The following UBE2E2 variants were observed in gnomAD, a reference collection of about 807,000 sequenced individuals.
UBE2E2 encodes ubiquitin conjugating enzyme E2 E2, also known as ubiquitin-conjugating enzyme E2 E2.
Under a neutral mutation model 24.7 loss-of-function variants are expected in UBE2E2, and 6 were observed. That is an observed-to-expected ratio of 0.24 (90% CI 0.13 to 0.48). The LOEUF (loss-of-function observed/expected upper bound fraction) is 0.48. Among genes scored for constraint, UBE2E2 ranks in the 20% least tolerant of loss-of-function variants. The pLI is 0.99. For synonymous variants in UBE2E2, 104 were observed against 83.6 expected, an observed-to-expected ratio of 1.24 and a Z score of -1.33; for missense variants, 169 against 245.0, an observed-to-expected ratio of 0.69 and a Z score of 2.07.
At chr3:23,561,245 T>C (rs1395628411) in intron 5 of UBE2E2, among the ~76,000 whole-genome samples, 7 of 152,222 alleles carry the variant, frequency 4.6e-5, no homozygotes, top group Non-Finnish European at 8.8e-5. Context: ...AATTAATTTT[T>C]GTATAAGGTG....
At chr3:23,488,443 T>C (rs746467733) in intron 3 of UBE2E2, among the ~76,000 whole-genome samples, 12 of 152,192 alleles carry the variant, frequency 7.9e-5, no homozygotes, top group East Asian at 1.9e-4. Flanking sequence ...CTCCCACTTA[T>C]GAGTGAGAAC....
At chr3:23,410,285 G>C (rs1265422890) in intron 3 of UBE2E2, among the ~76,000 whole-genome samples, 1 of 152,108 alleles carries the variant, frequency 6.6e-6, no homozygotes, top group Non-Finnish European at 1.5e-5. Context: ...TATTTGCTTA[G>C]TTTCTCTTCC....
Position 23,425,696 on chromosome 3 carries a change from T to C in UBE2E2, c.228-73912T>C, listed in dbSNP as rs4858512. 5.8e-3 allele frequency among the ~76,000 whole-genome samples: 881 copies of C among 152,172 alleles called. 28 individuals are homozygous for C. The highest frequency in any genetic ancestry group is 0.048 in the Admixed American group (730 of 15,260). On this transcript the variant is annotated intron_variant, in intron 3 of 5. Transcript: ENST00000396703. ...TGCTGGGGCTCAGGATATACAAGCT[T>C]GAGAGTGAAAAACTTTAGGGGTGAC...
At chr3:23,500,677 A>G (rs1408880611) in intron 4 of UBE2E2, among the ~76,000 whole-genome samples, 4 of 152,328 alleles carry the variant, frequency 2.6e-5, no homozygotes, top group Middle Eastern at 3.4e-3. Context: ...GACGTTCACC[A>G]TGACTTTCTA....
At chr3:23,497,748 T>G (rs1276558671) in intron 3 of UBE2E2, among the ~76,000 whole-genome samples, 1 of 152,194 alleles carries the variant, frequency 6.6e-6, no homozygotes, top group Non-Finnish European at 1.5e-5. Context: ...TTTTTCAAAT[T>G]GTCACAAATC....
At chr3:23,575,630 C>CA (rs765966943) in intron 5 of UBE2E2, among the ~76,000 whole-genome samples, 1 of 151,564 alleles carries the variant, frequency 6.6e-6, no homozygotes, top group African/African-American at 2.4e-5. Flanking sequence ...GGAAAAAAAA[C>CA]AAAAAAGCTG....
rs1035879527 is a variant in UBE2E2 at position 23,310,981 on chromosome 3, A to G, written c.227+93669A>G. Among the ~76,000 whole-genome samples, 3 of 152,100 alleles carry G rather than the reference A, an allele frequency of 2.0e-5. No homozygotes were observed. In the East Asian group the frequency reaches 5.8e-4, roughly 29 times the overall value. On this transcript the variant is annotated intron_variant, in intron 3 of 5. Coordinates refer to ENST00000396703, the MANE Select transcript of UBE2E2 (RefSeq NM_152653.4). ...CATTAACTTGTCATTTACATTAGGT[A>G]TATCTCCTAGTGCTATCCCTCCCTC... is the stretch of plus-strand genomic sequence containing the variant.
At chr3:23,401,848 CTTTTTTT>C (rs35903137) in intron 3 of UBE2E2, among the ~76,000 whole-genome samples, 3 of 67,704 alleles carry the variant, frequency 4.4e-5, no homozygotes, top group Non-Finnish European at 7.6e-5. Flanking sequence ...TGCCTGGCTA[CTTTTTTT>C]TTTTTTTTTT....
At chr3:23,555,727 A>G (rs988993500) in intron 5 of UBE2E2, among the ~76,000 whole-genome samples, 1 of 152,210 alleles carries the variant, frequency 6.6e-6, no homozygotes. Flanking sequence ...AGATCCTGCC[A>G]TTTACTGAAA....
intron 3 of UBE2E2, among the ~76,000 whole-genome samples, chr3:23,421,430 G>C (rs1697794344): frequency 6.6e-6 from 1 of 152,182 alleles, no homozygotes; most frequent in African/African-American, 2.4e-5. Context: ...CCATAAAAAA[G>C]AATGAAATCA....
At chr3:23,416,817 A>G (rs1421823277) in intron 3 of UBE2E2, among the ~76,000 whole-genome samples, 1 of 152,100 alleles carries the variant, frequency 6.6e-6, no homozygotes, top group Admixed American at 6.5e-5. Context: ...AGTCTCTGAT[A>G]TCTTTTCTTC....
intron 3 of UBE2E2, among the ~76,000 whole-genome samples, chr3:23,384,656 C>T (rs1399021576): frequency 6.6e-6 from 1 of 152,198 alleles, no homozygotes; most frequent in African/African-American, 2.4e-5. Flanking sequence ...AATTCTCTTG[C>T]TTCAGCCTCC....
At chr3:23,550,146 T>C (rs1032266715) in intron 5 of UBE2E2, among the ~76,000 whole-genome samples, 2 of 152,144 alleles carry the variant, frequency 1.3e-5, no homozygotes, top group African/African-American at 4.8e-5. Context: ...ATAAAAAAAC[T>C]AGTAGGAAGA....
At chr3:23,351,353 A>G (rs1251952275) in intron 3 of UBE2E2, among the ~76,000 whole-genome samples, 2 of 152,228 alleles carry the variant, frequency 1.3e-5, no homozygotes, top group Non-Finnish European at 2.9e-5. Context: ...ACCAGCTAAC[A>G]TCATAATGAC....
chr3:23,480,368 G>C (rs997762283), intron 3 of UBE2E2, among the ~76,000 whole-genome samples: 1 of 152,226 alleles, frequency 6.6e-6, no homozygotes, highest in Non-Finnish European at 1.5e-5. Flanking sequence ...AGCCTATGGG[G>C]GCAGGGAGCT....
At chr3:23,582,512 A>G (rs982977349) in intron 5 of UBE2E2, among the ~76,000 whole-genome samples, 1 of 151,978 alleles carries the variant, frequency 6.6e-6, no homozygotes, top group Non-Finnish European at 1.5e-5. Flanking sequence ...AACGCTTTAC[A>G]CTCCCACCAG....
chr3:23,458,695 G>A (rs886548261), intron 3 of UBE2E2, among the ~76,000 whole-genome samples: 7 of 152,100 alleles, frequency 4.6e-5, no homozygotes, highest in African/African-American at 9.7e-5. Context: ...AGGATTACAG[G>A]TGTGAGCCAC....
chr3:23,532,759 C>G, intron 5 of UBE2E2, 58 bp downstream of exon 5: 1 of 1,415,004 alleles, frequency 7.1e-7, no homozygotes, highest in Admixed American at 1.9e-5. Flanking sequence ...ATGTCAGACC[C>G]TTAGTAACTT....
intron 3 of UBE2E2, among the ~76,000 whole-genome samples, chr3:23,350,409 A>T (rs995606598): frequency 4.6e-5 from 7 of 152,362 alleles, no homozygotes; most frequent in African/African-American, 1.7e-4. Flanking sequence ...GAGTTGAGAG[A>T]AGAAGGCTTC....
Sources: allele counts gnomAD v4.1 joint callset (sites outside exome capture counted in the v4.1 genomes callset), GRCh38; gene constraint gnomAD v4.1.1; transcripts MANE v1.5; gene names NCBI Gene and HGNC (gene_info 2026-07-23, HGNC 2026-07-21).